Variants in LIN54 observed in about 807,000 individuals in gnomAD.
LIN54 encodes the protein lin-54 DREAM MuvB core complex component, also known as protein lin-54 homolog.
A neutral mutation model predicts 78.7 loss-of-function variants in LIN54; 9 were observed. The ratio of observed to expected loss-of-function variants is 0.11; its 90% CI spans 0.07 to 0.20. The LOEUF (loss-of-function observed/expected upper bound fraction) is 0.20, where lower values mean the gene tolerates loss of function less well. LIN54 is among the 10% of genes least tolerant of loss of function. The pLI, the probability that LIN54 is intolerant of heterozygous loss-of-function variation, is 1.00. For missense variants in LIN54, 573 were observed against 889.9 expected (o/e 0.64, Z 4.53); for synonymous variants, 269 against 318.4 (o/e 0.84, Z 1.65).
intron 3 of LIN54, among the ~76,000 whole-genome samples, chr4:82,976,034 T>C (rs1291903648): frequency 6.6e-6 from 1 of 152,184 alleles, no homozygotes; most frequent in Non-Finnish European, 1.5e-5. Context: ...AGGCATTCCA[T>C]GTAAAAGGAA....
At chr4:83,001,552 AAAAG>A (rs1019182829) in intron 1 of LIN54, among the ~76,000 whole-genome samples, 1 of 151,618 alleles carries the variant, frequency 6.6e-6, no homozygotes, top group African/African-American at 2.4e-5. Flanking sequence ...TGTCAAAAAG[AAAAG>A]AAAAAGAAGC....
intron 1 of LIN54, among the ~76,000 whole-genome samples, chr4:83,008,539 C>G (rs1183902405): frequency 6.6e-6 from 1 of 152,170 alleles, no homozygotes; most frequent in African/African-American, 2.4e-5. Flanking sequence ...GTAGTCCCAG[C>G]TACTCAGGGG....
rs549159103 is a variant in LIN54, at chr4:82,941,253, C to G, written c.1169-1291G>C. 2.7e-5 allele frequency among the ~76,000 whole-genome samples: 4 copies of G among 150,846 alleles called. No homozygotes were observed. The South Asian group carries it at 8.4e-4, about 32-fold the overall frequency. On this transcript the variant is annotated intron_variant, in intron 5 of 12. Coordinates refer to ENST00000340417, the MANE Select transcript of LIN54 (RefSeq NM_194282.4). ...GATGGGCCCCAATCAATAGGCTGGC[C>G]GCATGGAGGGCACATAGACTGGAGA...
chr4:82,940,042 C>T, intron 5 of LIN54, 80 bp from the exon 6 acceptor site: 1 of 928,440 alleles, frequency 1.1e-6, no homozygotes, highest in Non-Finnish European at 1.7e-6. Flanking sequence ...CTTAGCTCTC[C>T]CAAGTTATTC....
rs1287905721 is a variant in LIN54, at chr4:82,925,852, A to G, written c.*2250T>C. ...TCTTTCTACTTTGGGATGTAAATAG[A>G]GCTAAAAAATTATATACCCAACCCT... is the stretch of plus-strand genomic sequence containing the variant. On this transcript the variant is annotated 3_prime_UTR_variant, in exon 13 of 13. Coordinates refer to ENST00000340417, the MANE Select transcript of LIN54 (RefSeq NM_194282.4). 1 of 152,630 alleles carries G rather than the reference A, an allele frequency of 6.6e-6. No individual in the cohort carries two copies. Among genetic ancestry groups the G allele is most frequent in the Non-Finnish European group, 1.5e-5 (1 of 68,016 alleles). The allele number at this position is 152,630 out of a possible 1,614,324, so 9.5% of individuals were successfully genotyped here.
chr4:82,943,583 G>C (rs1723110664), intron 5 of LIN54, among the ~76,000 whole-genome samples: 1 of 152,066 alleles, frequency 6.6e-6, no homozygotes, highest in Non-Finnish European at 1.5e-5. Context: ...TGGGACAGGA[G>C]ACAGAGACAA....
chr4:82,953,063 C>T (rs553420387), intron 4 of LIN54, among the ~76,000 whole-genome samples: 2 of 152,314 alleles, frequency 1.3e-5, no homozygotes, highest in African/African-American at 4.8e-5. Context: ...CGCGAGGCAG[C>T]GATTGCTGCC....
intron 1 of LIN54, among the ~76,000 whole-genome samples, chr4:83,008,050 A>G (rs1218394427): frequency 6.6e-6 from 1 of 152,168 alleles, no homozygotes; most frequent in African/African-American, 2.4e-5. Flanking sequence ...CAACTCCTGA[A>G]GCCTACTATG....
chr4:82,932,155 C>T (rs534800199), intron 11 of LIN54, among the ~76,000 whole-genome samples: 8 of 139,896 alleles, frequency 5.7e-5, no homozygotes, highest in Admixed American at 3.1e-4. Flanking sequence ...AGTGCAGTGG[C>T]GCGATCTCAG....
At chr4:82,999,086 T>G (rs1199628459) in intron 1 of LIN54, among the ~76,000 whole-genome samples, 1 of 152,202 alleles carries the variant, frequency 6.6e-6, no homozygotes, top group African/African-American at 2.4e-5. Flanking sequence ...TGCCACTAAT[T>G]GTCTGTTTCC....
upstream of LIN54, among the ~76,000 whole-genome samples, chr4:83,011,746 G>C (rs1187879103): frequency 2.0e-5 from 3 of 149,790 alleles, no homozygotes; most frequent in African/African-American, 7.4e-5. Context: ...AGAGAACAGA[G>C]GTAATTCTTA....
chr4:82,950,520 A>G (rs6535416), intron 4 of LIN54, among the ~76,000 whole-genome samples: 149,408 of 152,348 alleles, frequency 0.98, 73,333 homozygotes, highest in East Asian at 1. Context: ...ACATGTGAAC[A>G]TCTCTCTGAA....
chr4:82,927,996 C>G lies in LIN54; in HGVS notation c.*106G>C. ...TATTATAATTTCAGGTCTTTTAAAA[C>G]AAGGACTGAATTAAAATACAGTAAT... On this transcript the variant is annotated 3_prime_UTR_variant, in exon 13 of 13. Coordinates refer to ENST00000340417, the MANE Select transcript of LIN54 (RefSeq NM_194282.4). 4.5e-6 allele frequency: 4 copies of G among 896,458 alleles called. No homozygotes were observed. Among genetic ancestry groups the G allele is most frequent in the Non-Finnish European group, 7.1e-6 (4 of 565,114 alleles). The allele number at this position is 896,458 out of a possible 1,614,324, so 55.5% of individuals were successfully genotyped here.
In LIN54 at chr4:82,947,207, T is replaced by TTATA. The variant is rs1207992875; in HGVS notation, c.952-737_952-734dup. Among the ~76,000 whole-genome samples, 27 of 76,214 alleles carry TTATA rather than the reference T, an allele frequency of 3.5e-4. 1 individual carries two copies. Among genetic ancestry groups the TTATA allele is most frequent in the Admixed American group, 9.1e-4 (4 of 4,392 alleles). The allele number at this position is 76,214 out of a possible 152,430, so 50.0% of individuals were successfully genotyped here. On this transcript the variant is annotated intron_variant, in intron 4 of 12. Coordinates refer to ENST00000340417, the MANE Select transcript of LIN54 (RefSeq NM_194282.4). ...TGTATTCCCTGAGTCAAAAAAAAATTTATATATATATATATATATATATAT... is the reference window on the plus strand; with the variant it reads ...TGTATTCCCTGAGTCAAAAAAAAATTTATATATATATATATATATATATATATAT...
chr4:82,978,869 TA>T lies in LIN54; in HGVS notation c.808+13del. The T allele has an allele frequency of 6.8e-7, 1 of 1,463,522 alleles. No homozygotes were observed. The highest frequency in any genetic ancestry group is 9.4e-7 in the Non-Finnish European group (1 of 1,062,174). 90.7% of individuals were successfully genotyped at this position (1,463,522 alleles called of 1,614,324 possible). A position where few individuals can be genotyped will look rare whatever the true frequency, so the allele number is the denominator to read the frequency against. ...GATAAATATTTAGCTTAATAAACTATAAAGAAATATAACCTGCAATAACTGG... is the reference window on the plus strand; with the variant it reads ...GATAAATATTTAGCTTAATAAACTATAAGAAATATAACCTGCAATAACTGG... On this transcript the variant is annotated intron_variant, in intron 3 of 12. Coordinates refer to ENST00000340417, the MANE Select transcript of LIN54 (RefSeq NM_194282.4).
At chr4:82,946,055 T>C (rs556531378) in intron 5 of LIN54, among the ~76,000 whole-genome samples, 1 of 152,308 alleles carries the variant, frequency 6.6e-6, no homozygotes, top group South Asian at 2.1e-4. Context: ...TCTGGTATAA[T>C]ACCACACTGT....
At position 82,984,408 on chromosome 4, in the gene LIN54, C is replaced by A; in HGVS notation, c.437G>T (p.Gly146Val). The A allele has an allele frequency of 6.2e-7, 1 of 1,614,180 alleles. No individual in the cohort carries two copies. The highest frequency in any genetic ancestry group is 2.2e-5 in the East Asian group (1 of 44,890). ...DGQKLILTTL[G>V]KSGSPIVLAL... ...TAAAACAATTGGTGAACCAGACTTG[C>A]CCAAAGTTGTTAAAATTAACTTCTG... Residue 146 changes from glycine (G) to valine (V), a missense_variant, in exon 2 of 13, where the codon GGC becomes GTC. Around this residue, in one of 6 missense-constraint regions of LIN54, gnomAD observed 183 missense variants for 228.4 expected, o/e 0.80. Transcript: ENST00000340417.
chr4:82,981,627 A>G (rs1412908060), intron 2 of LIN54, among the ~76,000 whole-genome samples: 1 of 152,180 alleles, frequency 6.6e-6, no homozygotes, highest in Non-Finnish European at 1.5e-5. Flanking sequence ...GAAAGACTTA[A>G]GTCGCCTAAA....
At chr4:82,978,663 G>A (rs142915988) in intron 3 of LIN54, among the ~76,000 whole-genome samples, 2,032 of 152,292 alleles carry the variant, frequency 0.013, 19 homozygotes, top group Non-Finnish European at 0.021. Context: ...GACTTTGCTA[G>A]TATCATGGTA....
Sources: allele counts gnomAD v4.1 joint callset (sites outside exome capture counted in the v4.1 genomes callset), GRCh38; gene constraint gnomAD v4.1.1; regional missense constraint gnomAD v4.1.1; transcripts MANE v1.5; gene names NCBI Gene and HGNC (gene_info 2026-07-23, HGNC 2026-07-21).